The following LRGUK variants were observed in gnomAD, a reference collection of about 807,000 sequenced individuals.
The protein encoded by LRGUK is leucine rich repeats and guanylate kinase domain containing.
In LRGUK, 65 loss-of-function variants were observed where a neutral mutation model predicts 76.0. The ratio of observed to expected loss-of-function variants is 0.85; its 90% CI spans 0.70 to 1.05. LRGUK has a LOEUF of 1.05. Ranked by LOEUF, LRGUK falls within the 50% of genes least tolerant of loss-of-function variation. The pLI is 0.00. For missense variants in LRGUK, 758 were observed against 732.8 expected (o/e 1.03, Z -0.40); for synonymous variants, 268 against 265.6 (o/e 1.01, Z -0.09).
intron 19 of LRGUK, among the ~76,000 whole-genome samples, chr7:134,258,767 A>C (rs1232390965): frequency 2.0e-5 from 3 of 151,766 alleles, no homozygotes; most frequent in Non-Finnish European, 4.4e-5. Flanking sequence ...ATATTTGTTT[A>C]TATATGTTTC....
chr7:134,218,086 C>T (rs1263585719), intron 15 of LRGUK, among the ~76,000 whole-genome samples: 2 of 152,044 alleles, frequency 1.3e-5, no homozygotes, highest in African/African-American at 4.8e-5. Context: ...CTCAGCCTCC[C>T]GAGTAGCTGG....
chr7:134,161,350 A>G (rs145322278), intron 6 of LRGUK, among the ~76,000 whole-genome samples: 139 of 152,146 alleles, frequency 9.1e-4, no homozygotes, highest in East Asian at 5.0e-3. Flanking sequence ...TATGCTTTAT[A>G]TAACTTTTTT....
chr7:134,150,574 G>C (rs1429012359), intron 5 of LRGUK, among the ~76,000 whole-genome samples: 4 of 152,268 alleles, frequency 2.6e-5, no homozygotes, highest in East Asian at 1.9e-4. Flanking sequence ...CAGCAATTAG[G>C]GTTCCCTGAA....
intron 19 of LRGUK, among the ~76,000 whole-genome samples, chr7:134,261,394 C>T (rs571826810): frequency 1.8e-4 from 27 of 152,020 alleles, no homozygotes; most frequent in Non-Finnish European, 4.0e-4. Context: ...CATTTCGTAT[C>T]TGATTAATCT....
chr7:134,204,080 A>T (rs907686293), intron 15 of LRGUK, among the ~76,000 whole-genome samples: 1 of 152,146 alleles, frequency 6.6e-6, no homozygotes, highest in Non-Finnish European at 1.5e-5. Context: ...GATAAACATG[A>T]ATCAGTCCCC....
At chr7:134,241,698 A>G (rs2117194005) in intron 16 of LRGUK, among the ~76,000 whole-genome samples, 1 of 152,354 alleles carries the variant, frequency 6.6e-6, no homozygotes. Context: ...CTCTGCACCA[A>G]GCAGACCTAA....
chr7:134,206,005 C>T (rs1800987318), intron 15 of LRGUK, among the ~76,000 whole-genome samples: 1 of 152,154 alleles, frequency 6.6e-6, no homozygotes, highest in African/African-American at 2.4e-5. Flanking sequence ...AGAGTACAAG[C>T]TGAATTTCTA....
intron 7 of LRGUK, among the ~76,000 whole-genome samples, chr7:134,164,464 A>T (rs1798887692): frequency 6.6e-6 from 1 of 152,186 alleles, no homozygotes; most frequent in Admixed American, 6.5e-5. Flanking sequence ...ATTACATTTT[A>T]TTTTTAATAA....
At chr7:134,244,268 C>A (rs1802238482) in intron 16 of LRGUK, among the ~76,000 whole-genome samples, 1 of 152,132 alleles carries the variant, frequency 6.6e-6, no homozygotes, top group South Asian at 2.1e-4. Flanking sequence ...AACAGGCAAC[C>A]TACAGAATGG....
chr7:134,227,117 G>A (rs1026000999), intron 16 of LRGUK, among the ~76,000 whole-genome samples: 4 of 152,190 alleles, frequency 2.6e-5, no homozygotes, highest in Non-Finnish European at 5.9e-5. Context: ...GGCATTAGGG[G>A]AGGATGATCC....
chr7:134,157,175 T>G (rs1387449350), intron 5 of LRGUK, among the ~76,000 whole-genome samples: 1 of 152,162 alleles, frequency 6.6e-6, no homozygotes, highest in Non-Finnish European at 1.5e-5. Flanking sequence ...CCTCATTGAT[T>G]TTATGATTGA....
intron 7 of LRGUK, 64 bp downstream of exon 7, chr7:134,163,604 G>T: frequency 7.2e-7 from 1 of 1,388,592 alleles, no homozygotes; most frequent in Admixed American, 2.2e-5. Flanking sequence ...TAGAGACTTA[G>T]CACACACCCT....
At chr7:134,166,140 T>C (rs1325653263) in intron 7 of LRGUK, among the ~76,000 whole-genome samples, 1 of 151,192 alleles carries the variant, frequency 6.6e-6, no homozygotes, top group African/African-American at 2.4e-5. Flanking sequence ...GTGGAAAATT[T>C]ATCATTTAGC....
At chr7:134,177,155 A>G in intron 9 of LRGUK, 92 bp downstream of exon 9, 1 of 704,980 alleles carries the variant, frequency 1.4e-6, no homozygotes, top group Non-Finnish European at 2.4e-6. Context: ...TATAATCAAT[A>G]AATAAGACAC....
At chr7:134,239,569 A>G (rs1802090438) in intron 16 of LRGUK, among the ~76,000 whole-genome samples, 1 of 152,180 alleles carries the variant, frequency 6.6e-6, no homozygotes, top group Non-Finnish European at 1.5e-5. Context: ...AACTGGGTGG[A>G]GCCCACCACA....
At chr7:134,149,943 C>A (rs1164319701) in intron 5 of LRGUK, among the ~76,000 whole-genome samples, 1 of 152,080 alleles carries the variant, frequency 6.6e-6, no homozygotes, top group East Asian at 1.9e-4. Context: ...ATAAGACCCC[C>A]CCAAAGCAAT....
chr7:134,159,594 G>C (rs892643142), intron 6 of LRGUK, among the ~76,000 whole-genome samples: 5 of 152,218 alleles, frequency 3.3e-5, no homozygotes, highest in Admixed American at 1.3e-4. Flanking sequence ...TTCAAGACCA[G>C]CCTGGCCAAG....
downstream of LRGUK, among the ~76,000 whole-genome samples, chr7:134,213,809 T>G (rs1203503397): frequency 2.0e-5 from 3 of 152,210 alleles, no homozygotes; most frequent in Non-Finnish European, 4.4e-5. Context: ...TTGATTCTCT[T>G]GGTATAAGGG....
intron 16 of LRGUK, among the ~76,000 whole-genome samples, chr7:134,228,344 G>T (rs576247132): frequency 4.6e-5 from 7 of 152,234 alleles, no homozygotes; most frequent in Non-Finnish European, 7.4e-5. Flanking sequence ...GAACAGTAGA[G>T]AATTTTCTTT....
Sources: allele counts gnomAD v4.1 joint callset (sites outside exome capture counted in the v4.1 genomes callset), GRCh38; gene constraint gnomAD v4.1.1; transcripts MANE v1.5; gene names NCBI Gene and HGNC (gene_info 2026-07-23, HGNC 2026-07-21).